KLHL1: variants seen among roughly 807,000 people sequenced by gnomAD.
KLHL1 encodes the protein kelch-like protein 1.
Under a neutral mutation model 77.7 loss-of-function variants are expected in KLHL1, and 47 were observed. The ratio of observed to expected loss-of-function variants is 0.60; its 90% CI spans 0.48 to 0.77. The LOEUF is 0.77. KLHL1 is among the 30% of genes least tolerant of loss of function. KLHL1 has a pLI of 0.00. For missense variants in KLHL1, 925 were observed against 910.8 expected, an observed-to-expected ratio of 1.02 and a Z score of -0.20; for synonymous variants, 360 against 325.2, an observed-to-expected ratio of 1.11 and a Z score of -1.15.
At chr13:70,057,496 G>T (rs1405115562) in intron 1 of KLHL1, among the ~76,000 whole-genome samples, 3 of 139,794 alleles carry the variant, frequency 2.1e-5, no homozygotes, top group Admixed American at 2.1e-4. Flanking sequence ...AAAAAAAGAG[G>T]CCGGGCGCGG....
intron 7 of KLHL1, among the ~76,000 whole-genome samples, chr13:69,743,814 C>G: frequency 1.4e-5 from 1 of 73,914 alleles, no homozygotes; most frequent in East Asian, 4.2e-4. Context: ...CAAAACAAAA[C>G]AAAAAAACAG....
chr13:70,055,349 TAAG>T (rs991308304), intron 1 of KLHL1, among the ~76,000 whole-genome samples: 1 of 151,806 alleles, frequency 6.6e-6, no homozygotes, highest in African/African-American at 2.4e-5. Flanking sequence ...TAAGAAAAAA[TAAG>T]GACTTTTCCA....
At chr13:69,929,554 C>A (rs1180555606) in intron 4 of KLHL1, among the ~76,000 whole-genome samples, 1 of 151,494 alleles carries the variant, frequency 6.6e-6, no homozygotes, top group South Asian at 2.1e-4. Flanking sequence ...ATTACTTATG[C>A]CAAGATTTTG....
At chr13:69,901,567 G>C (rs1367616760) in intron 4 of KLHL1, among the ~76,000 whole-genome samples, 1 of 152,106 alleles carries the variant, frequency 6.6e-6, no homozygotes, top group East Asian at 1.9e-4. Context: ...AATGGGTTTA[G>C]GGACAAGAGT....
At chr13:69,815,846 T>C (rs1035288857) in intron 6 of KLHL1, among the ~76,000 whole-genome samples, 1 of 152,100 alleles carries the variant, frequency 6.6e-6, no homozygotes, top group Non-Finnish European at 1.5e-5. Flanking sequence ...TTAATAAATA[T>C]ATAACCTCCA....
At chr13:69,877,397 T>C (rs980246534) in intron 5 of KLHL1, among the ~76,000 whole-genome samples, 1 of 152,098 alleles carries the variant, frequency 6.6e-6, no homozygotes, top group African/African-American at 2.4e-5. Context: ...TGGTACTTTG[T>C]TGAATCCCAG....
intron 1 of KLHL1, among the ~76,000 whole-genome samples, chr13:70,052,260 A>G (rs908962782): frequency 6.6e-6 from 1 of 151,798 alleles, no homozygotes; most frequent in Non-Finnish European, 1.5e-5. Context: ...TTACTCTTTT[A>G]AGGAACAAAT....
intron 1 of KLHL1, among the ~76,000 whole-genome samples, chr13:70,022,281 T>TGTGTGTG (rs67661890): frequency 0.01 from 1,348 of 134,694 alleles, 18 homozygotes; most frequent in East Asian, 0.058. Context: ...ACGTGTGTGT[T>TGTGTGTG]TGTGTGTGTG....
chr13:69,735,620 CAGAA>C (rs1172156272), intron 8 of KLHL1, among the ~76,000 whole-genome samples: 8 of 150,084 alleles, frequency 5.3e-5, no homozygotes, highest in Admixed American at 4.6e-4. Context: ...TGAATAACCT[CAGAA>C]AGAAAGAATA....
At chr13:69,797,029 G>GCTGTTT in intron 6 of KLHL1, 67 bp from the exon 7 acceptor site, 2 of 1,315,308 alleles carry the variant, frequency 1.5e-6, no homozygotes, top group Non-Finnish European at 2.2e-6. Flanking sequence ...GCCAAAGCAG[G>GCTGTTT]GTACAAATTA....
At chr13:70,094,258 C>T (rs896445500) in intron 1 of KLHL1, among the ~76,000 whole-genome samples, 2 of 151,756 alleles carry the variant, frequency 1.3e-5, no homozygotes, top group Non-Finnish European at 1.5e-5. Flanking sequence ...CTCAGGAGTT[C>T]GAGGCTGCAG....
intron 4 of KLHL1, among the ~76,000 whole-genome samples, chr13:69,920,506 T>A (rs1882597533): frequency 1.3e-5 from 2 of 152,058 alleles, no homozygotes; most frequent in South Asian, 4.1e-4. Flanking sequence ...ACAAAAATAA[T>A]ATAAAATATA....
intron 6 of KLHL1, among the ~76,000 whole-genome samples, chr13:69,807,429 C>A (rs1332131480): frequency 6.6e-6 from 1 of 151,998 alleles, no homozygotes; most frequent in Non-Finnish European, 1.5e-5. Flanking sequence ...CGGGAGGGTA[C>A]TTTTCTCCCT....
At chr13:69,905,563 A>G (rs1023182641) in intron 4 of KLHL1, among the ~76,000 whole-genome samples, 1 of 152,094 alleles carries the variant, frequency 6.6e-6, no homozygotes, top group South Asian at 2.1e-4. Context: ...CAATTGATCT[A>G]GCCTATTGAG....
rs1300942616 is a variant in KLHL1 at position 69,975,175 on chromosome 13, C to T, written c.680+445G>A. Among the ~76,000 whole-genome samples the T allele has an allele frequency of 4.6e-5, 7 of 151,968 alleles. No individual in the cohort carries two copies. In the East Asian group the frequency reaches 7.7e-4, roughly 17 times the overall value. ...ATATAAAAATGTCAATATGAAATACCTTAATTTATTAGTTGATATAAATAT... is the reference window on the plus strand; with the variant it reads ...ATATAAAAATGTCAATATGAAATACTTTAATTTATTAGTTGATATAAATAT... On this transcript the variant is annotated intron_variant, in intron 2 of 10. Transcript: ENST00000377844.
chr13:69,959,112 GC>G (rs1174157556), intron 3 of KLHL1, among the ~76,000 whole-genome samples: 1 of 152,038 alleles, frequency 6.6e-6, no homozygotes, highest in African/African-American at 2.4e-5. Context: ...AGTGGCAGTG[GC>G]AGCTGAGAGG....
chr13:69,935,284 G>GTTCACCTACTGGTGAACTTGGTA (rs1376755738), intron 4 of KLHL1, among the ~76,000 whole-genome samples: 7 of 151,700 alleles, frequency 4.6e-5, no homozygotes, highest in African/African-American at 1.7e-4. Context: ...TTGGTACATA[G>GTTCACCTACTGGTGAACTTGGTA]CAGTCAATAG....
At chr13:70,024,039 CA>C (rs201655110) in intron 1 of KLHL1, among the ~76,000 whole-genome samples, 95 of 150,928 alleles carry the variant, frequency 6.3e-4, no homozygotes, top group Admixed American at 1.1e-3. Flanking sequence ...TAATTAGTTG[CA>C]AAAAAAATGT....
At chr13:69,715,712 A>G (rs1876090851) in intron 9 of KLHL1, among the ~76,000 whole-genome samples, 1 of 152,098 alleles carries the variant, frequency 6.6e-6, no homozygotes, top group African/African-American at 2.4e-5. Flanking sequence ...ATGAATGCAC[A>G]GTAACAGAAA....
Sources: allele counts gnomAD v4.1 joint callset (sites outside exome capture counted in the v4.1 genomes callset), GRCh38; gene constraint gnomAD v4.1.1; transcripts MANE v1.5; gene names NCBI Gene and HGNC (gene_info 2026-07-23, HGNC 2026-07-21).